The following GRID2 variants were observed in gnomAD, a reference collection of about 807,000 sequenced individuals.
GRID2 encodes glutamate receptor ionotropic, delta-2.
In GRID2, 33 loss-of-function variants were observed where a neutral mutation model predicts 114.8. That is an observed-to-expected ratio of 0.29 (90% confidence interval 0.22 to 0.38). The LOEUF (loss-of-function observed/expected upper bound fraction) is 0.38. Among genes scored for constraint, GRID2 ranks in the 10% least tolerant of loss-of-function variants. The pLI is 1.00. For missense variants in GRID2, 1,184 were observed against 1,257.7 expected, an observed-to-expected ratio of 0.94 and a Z score of 0.89; for synonymous variants, 505 against 449.9, an observed-to-expected ratio of 1.12 and a Z score of -1.55.
At chr4:93,656,859 A>G (rs1162934455) in intron 14 of GRID2, among the ~76,000 whole-genome samples, 1 of 134,776 alleles carries the variant, frequency 7.4e-6, no homozygotes, top group Non-Finnish European at 1.6e-5. Flanking sequence ...AAAAAAAAAC[A>G]AATAATTCCA....
intron 13 of GRID2, among the ~76,000 whole-genome samples, chr4:93,581,647 C>A (rs1736994001): frequency 6.6e-6 from 1 of 152,002 alleles, no homozygotes; most frequent in Non-Finnish European, 1.5e-5. Flanking sequence ...AGTAACTTAC[C>A]CTAAACCTAC....
intron 4 of GRID2, among the ~76,000 whole-genome samples, chr4:93,175,505 G>T (rs1469029083): frequency 6.6e-6 from 1 of 151,728 alleles, no homozygotes; most frequent in Non-Finnish European, 1.5e-5. Flanking sequence ...TTTTCATGTG[G>T]GCCTTACTAG....
chr4:93,656,856 A>C (rs1283379621), intron 14 of GRID2, among the ~76,000 whole-genome samples: 2 of 141,666 alleles, frequency 1.4e-5, no homozygotes, highest in East Asian at 2.1e-4. Flanking sequence ...AAAAAAAAAA[A>C]ACAAATAATT....
chr4:93,742,751 C>G (rs759453586), intron 14 of GRID2, among the ~76,000 whole-genome samples: 3 of 152,118 alleles, frequency 2.0e-5, no homozygotes, highest in Non-Finnish European at 4.4e-5. Context: ...TCTGACTGCC[C>G]CACTCACGGA....
At chr4:92,828,466 T>G (rs1046908959) in intron 2 of GRID2, among the ~76,000 whole-genome samples, 1 of 152,106 alleles carries the variant, frequency 6.6e-6, no homozygotes, top group Admixed American at 6.6e-5. Flanking sequence ...TTGTATAGAA[T>G]AGTGTGCTAA....
At chr4:93,606,424 A>T (rs896287823) in intron 13 of GRID2, among the ~76,000 whole-genome samples, 7 of 152,222 alleles carry the variant, frequency 4.6e-5, no homozygotes, top group Non-Finnish European at 1.0e-4. Flanking sequence ...AATGCTGTTC[A>T]TGAAGGTGAG....
chr4:93,586,665 A>G (rs1737566792), intron 13 of GRID2, among the ~76,000 whole-genome samples: 1 of 152,148 alleles, frequency 6.6e-6, no homozygotes, highest in Non-Finnish European at 1.5e-5. Context: ...ACTCAAGACT[A>G]CTGAGCCAGT....
chr4:92,376,936 C>G (rs926813136), intron 1 of GRID2, among the ~76,000 whole-genome samples: 2 of 152,114 alleles, frequency 1.3e-5, no homozygotes, highest in South Asian at 4.1e-4. Context: ...ACCACTTTTT[C>G]CTCCTAGGCC....
intron 2 of GRID2, among the ~76,000 whole-genome samples, chr4:92,789,839 C>T (rs1336797367): frequency 6.6e-6 from 1 of 151,812 alleles, no homozygotes; most frequent in Non-Finnish European, 1.5e-5. Flanking sequence ...ATACTGTGTG[C>T]TCATATTTGT....
At position 92,911,506 on chromosome 4, in the gene GRID2, G is replaced by A. The variant is rs562760520; in HGVS notation, c.245-173489G>A. Reference sequence around the variant, plus strand: ...GTTGCTGAAGTAGTATTCTTACCACGTGTATGCTGTATTGTTGGACTGCCA... The same window carrying A: ...GTTGCTGAAGTAGTATTCTTACCACATGTATGCTGTATTGTTGGACTGCCA... On this transcript the variant is annotated intron_variant, in intron 2 of 15. Transcript: ENST00000282020. Among the ~76,000 whole-genome samples, 4 of 151,920 alleles carry A rather than the reference G, an allele frequency of 2.6e-5. No individual in the cohort carries two copies. The South Asian group carries it at 6.2e-4, about 24-fold the overall frequency.
At chr4:93,673,626 T>G (rs1430590013) in intron 14 of GRID2, among the ~76,000 whole-genome samples, 1 of 152,236 alleles carries the variant, frequency 6.6e-6, no homozygotes, top group Non-Finnish European at 1.5e-5. Flanking sequence ...TTCTAATGAA[T>G]GTAGACAGAT....
At chr4:93,314,968 A>C (rs897765776) in intron 8 of GRID2, among the ~76,000 whole-genome samples, 2 of 152,136 alleles carry the variant, frequency 1.3e-5, no homozygotes, top group African/African-American at 4.8e-5. Context: ...CTGCTATAAA[A>C]AACTTCCTGA....
intron 2 of GRID2, among the ~76,000 whole-genome samples, chr4:92,767,413 A>G (rs1738318098): frequency 6.6e-6 from 1 of 152,178 alleles, no homozygotes; most frequent in South Asian, 2.1e-4. Flanking sequence ...TGAGCAAAGC[A>G]CTAGACCCCA....
intron 4 of GRID2, among the ~76,000 whole-genome samples, chr4:93,129,583 A>T (rs1734607689): frequency 6.6e-6 from 1 of 152,110 alleles, no homozygotes; most frequent in African/African-American, 2.4e-5. Flanking sequence ...GGGCCTACTT[A>T]ATACAGTAAA....
chr4:93,337,374 C>G (rs1759193384), intron 8 of GRID2, among the ~76,000 whole-genome samples: 1 of 152,304 alleles, frequency 6.6e-6, no homozygotes, highest in African/African-American at 2.4e-5. Context: ...CTGCCCCACT[C>G]CCATCACCAC....
chr4:93,648,305 A>C (rs1722291326), intron 14 of GRID2, among the ~76,000 whole-genome samples: 1 of 152,194 alleles, frequency 6.6e-6, no homozygotes, highest in Non-Finnish European at 1.5e-5. Context: ...TTTAGGATTT[A>C]TCAATAAAAA....
intron 3 of GRID2, among the ~76,000 whole-genome samples, chr4:93,091,933 A>G (rs1730830275): frequency 6.6e-6 from 1 of 152,174 alleles, no homozygotes; most frequent in South Asian, 2.1e-4. Context: ...GTCAGAATGA[A>G]ATTTTGAAAT....
chr4:92,816,218 G>A (rs1486602556), intron 2 of GRID2, among the ~76,000 whole-genome samples: 1 of 150,656 alleles, frequency 6.6e-6, no homozygotes, highest in Non-Finnish European at 1.5e-5. Context: ...GGGAGGCTGA[G>A]GCAGGAGAAT....
chr4:92,381,649 G>A (rs571586265), intron 1 of GRID2, among the ~76,000 whole-genome samples: 2 of 151,940 alleles, frequency 1.3e-5, no homozygotes, highest in South Asian at 4.2e-4. Context: ...CTTTTCTAAT[G>A]CATTCTTTGC....
Sources: allele counts gnomAD v4.1 joint callset (sites outside exome capture counted in the v4.1 genomes callset), GRCh38; gene constraint gnomAD v4.1.1; transcripts MANE v1.5; gene names NCBI Gene and HGNC (gene_info 2026-07-23, HGNC 2026-07-21).